PCLO: variants seen among roughly 807,000 people sequenced by gnomAD.
PCLO encodes the protein piccolo presynaptic cytomatrix protein, also known as protein piccolo.
PCLO carries 82 observed loss-of-function variants against 427.5 expected under a neutral mutation model. The ratio of observed to expected loss-of-function variants is 0.19; its 90% confidence interval spans 0.16 to 0.23. The LOEUF (loss-of-function observed/expected upper bound fraction) is 0.23. PCLO is among the 10% of genes least tolerant of loss of function. The pLI, the probability that PCLO is intolerant of heterozygous loss-of-function variation, is 1.00. For synonymous variants in PCLO, 2,357 were observed against 2,155.4 expected, an observed-to-expected ratio of 1.09 and a Z score of -2.59; for missense variants, 6,239 against 6,115.9, an observed-to-expected ratio of 1.02 and a Z score of -0.67.
intron 7 of PCLO, among the ~76,000 whole-genome samples, chr7:82,912,057 C>A (rs902404564): frequency 2.6e-5 from 4 of 152,036 alleles, no homozygotes; most frequent in Admixed American, 6.6e-5. Flanking sequence ...TGTCTTATAT[C>A]CTATCACTTA....
chr7:82,814,885 C>T (rs1241421747), intron 20 of PCLO, among the ~76,000 whole-genome samples: 1 of 151,900 alleles, frequency 6.6e-6, no homozygotes, highest in African/African-American at 2.4e-5. Flanking sequence ...CTGGTCAAGA[C>T]CCACAGTCAT....
chr7:83,061,441 T>C (rs1562944863), intron 3 of PCLO, among the ~76,000 whole-genome samples: 1 of 152,172 alleles, frequency 6.6e-6, no homozygotes, highest in Non-Finnish European at 1.5e-5. Flanking sequence ...TATTATTACA[T>C]CTGCCAAACA....
intron 10 of PCLO, among the ~76,000 whole-genome samples, chr7:82,851,281 C>T (rs376170925): frequency 1.3e-4 from 19 of 151,396 alleles, no homozygotes; most frequent in African/African-American, 3.6e-4. Flanking sequence ...GTGCTGTGAA[C>T]GCTCACGATG....
At chr7:83,080,684 A>G (rs955766099) in intron 3 of PCLO, among the ~76,000 whole-genome samples, 7 of 152,218 alleles carry the variant, frequency 4.6e-5, no homozygotes, top group African/African-American at 1.4e-4. Flanking sequence ...ATATTATCAA[A>G]TATTAGTGAA....
At position 82,954,091 on chromosome 7, in the gene PCLO, T is replaced by C. The variant is rs1352533506; in HGVS notation, c.6862A>G (p.Thr2288Ala). The change falls in exon 5 of 25, where the codon ACT becomes GCT. Residue 2288 changes from threonine to alanine, a missense_variant. Transcript: ENST00000333891. ...VPKPEGPVADTVSTDLLISEK... is the reference protein window; with the variant it reads ...VPKPEGPVADAVSTDLLISEK... ...GATATAAGTAAGTCAGTAGAAACAG[T>C]GTCAGCAACTGGCCCTTCAGGTTTA... is the stretch of plus-strand genomic sequence containing the variant. The C allele has an allele frequency of 1.9e-6, 3 of 1,613,846 alleles. No homozygotes were observed. Among genetic ancestry groups the C allele is most frequent in the Non-Finnish European group, 2.5e-6 (3 of 1,179,814 alleles).
chr7:83,135,278 T>C lies in PCLO; in HGVS notation c.2272A>G (p.Lys758Glu). ...PVADDKPKQP[K>E]MVKPTTDLVS... ...AGGTCAGTGGTTGGCTTTACCATCTTGGGCTGCTTTGGTTTATCATCAGCA... is the reference window on the plus strand; with the variant it reads ...AGGTCAGTGGTTGGCTTTACCATCTCGGGCTGCTTTGGTTTATCATCAGCA... The change falls in exon 3 of 25, where the codon AAG becomes GAG. Residue 758 changes from lysine to glutamate, a missense_variant. Physicochemically the swap from Lys to Glu is moderately conservative, Grantham distance 56 (BLOSUM62 1). Transcript: ENST00000333891. 6.2e-7 allele frequency: 1 copy of C among 1,613,954 alleles called. No individual in the cohort carries two copies.
At chr7:82,991,128 G>A (rs1350997544) in intron 3 of PCLO, among the ~76,000 whole-genome samples, 1 of 151,940 alleles carries the variant, frequency 6.6e-6, no homozygotes, top group Admixed American at 6.6e-5. Flanking sequence ...TATCCAATGG[G>A]GATAAAATGT....
chr7:82,982,947 T>A (rs1445438401), intron 3 of PCLO, among the ~76,000 whole-genome samples: 1 of 151,750 alleles, frequency 6.6e-6, no homozygotes, highest in African/African-American at 2.4e-5. Context: ...ATAAAGTTTT[T>A]ATCTATATTT....
chr7:83,049,167 G>T (rs950009487), intron 3 of PCLO, among the ~76,000 whole-genome samples: 2 of 152,100 alleles, frequency 1.3e-5, no homozygotes, highest in African/African-American at 4.8e-5. Flanking sequence ...AGCCTGCTCT[G>T]TCAGTCTCTA....
rs748505122 is a variant in PCLO, at chr7:82,805,670, A to G, written c.14933+18T>C. ...GATGCTGAGTAAGCTTTGTAGTAACAAAAAGAGACCCACTTACATCCTCGG... is the reference window on the plus strand; with the variant it reads ...GATGCTGAGTAAGCTTTGTAGTAACGAAAAGAGACCCACTTACATCCTCGG... On this transcript the variant is annotated intron_variant, in intron 21 of 24. Transcript: ENST00000333891. The G allele has an allele frequency of 1.8e-5, 29 of 1,610,754 alleles. No homozygotes were observed. The South Asian group carries it at 3.0e-4, about 17-fold the overall frequency.
chr7:83,075,193 T>C (rs963228690), intron 3 of PCLO, among the ~76,000 whole-genome samples: 2 of 152,162 alleles, frequency 1.3e-5, no homozygotes, highest in Non-Finnish European at 2.9e-5. Context: ...AATTGAGAGA[T>C]ATCACCAAGT....
intron 3 of PCLO, among the ~76,000 whole-genome samples, chr7:83,087,625 TATC>T (rs1562957481): frequency 6.6e-6 from 1 of 152,178 alleles, no homozygotes; most frequent in Non-Finnish European, 1.5e-5. Flanking sequence ...GGGTGAATTT[TATC>T]ATTTTTCTTT....
chr7:82,839,477 A>G (rs571371532), intron 14 of PCLO, among the ~76,000 whole-genome samples: 1 of 152,172 alleles, frequency 6.6e-6, no homozygotes, highest in South Asian at 2.1e-4. Flanking sequence ...AGAAGAGGAG[A>G]AAGGGGAAGT....
At chr7:83,087,167 C>CA (rs1468115804) in intron 3 of PCLO, among the ~76,000 whole-genome samples, 1 of 151,022 alleles carries the variant, frequency 6.6e-6, no homozygotes, top group Admixed American at 6.6e-5. Flanking sequence ...CACATGTATA[C>CA]ACATGTAACA....
intron 3 of PCLO, among the ~76,000 whole-genome samples, chr7:83,039,134 G>T (rs1413845951): frequency 3.9e-5 from 6 of 151,912 alleles, no homozygotes; most frequent in Non-Finnish European, 8.8e-5. Flanking sequence ...TCAGGTCTAT[G>T]ATTTGTAAAC....
rs748522793 is a variant in PCLO, at chr7:82,953,329, T to C, written c.7624A>G (p.Met2542Val). 11 of 1,613,824 alleles carry C rather than the reference T, an allele frequency of 6.8e-6. No homozygotes were observed. The highest frequency in any genetic ancestry group is 5.0e-5 in the Admixed American group (3 of 59,996). ...GCTGAAGTCACTAAATTTAAGGTCA[T>C]ACTTGAAGTTAAAGATAGGCCTGTT... ...KPTGLSLTSSMTLNLVTSADY... is the reference protein window; with the variant it reads ...KPTGLSLTSSVTLNLVTSADY... Residue 2542 changes from methionine (M) to valine (V), a missense_variant, in exon 5 of 25, where the codon ATG becomes GTG. Physicochemically the swap from Met to Val is conservative, Grantham distance 21. Around this residue, in one of 5 missense-constraint regions of PCLO, gnomAD observed 4,677 missense variants for 4,468.4 expected, o/e 1.05. Coordinates refer to ENST00000333891, the MANE Select transcript of PCLO (RefSeq NM_033026.6).
At chr7:82,929,604 C>T (rs1794794141) in intron 6 of PCLO, among the ~76,000 whole-genome samples, 1 of 151,996 alleles carries the variant, frequency 6.6e-6, no homozygotes, top group East Asian at 1.9e-4. Flanking sequence ...GGGAAGTAAG[C>T]CATAACTATG....
intron 3 of PCLO, among the ~76,000 whole-genome samples, chr7:83,025,167 G>T (rs1161874253): frequency 1.3e-5 from 2 of 152,052 alleles, no homozygotes; most frequent in Non-Finnish European, 2.9e-5. Context: ...AGCTACGGGA[G>T]GATATTCAAA....
At chr7:82,858,388 T>C (rs1480497566) in intron 10 of PCLO, among the ~76,000 whole-genome samples, 1 of 152,188 alleles carries the variant, frequency 6.6e-6, no homozygotes, top group Non-Finnish European at 1.5e-5. Context: ...GTTGAAAGTT[T>C]TTCTCTAAGA....
Sources: gnomAD v4.1 joint callset for allele counts (sites outside exome capture counted in the v4.1 genomes callset) on GRCh38, gnomAD v4.1.1 for gene constraint, gnomAD v4.1.1 regional missense constraint, MANE v1.5 for transcripts, NCBI Gene and HGNC (gene_info 2026-07-23, HGNC 2026-07-21) for gene names.